CNTN5: variants seen among roughly 807,000 people sequenced by gnomAD.
CNTN5 encodes contactin 5, also known as contactin-5.
CNTN5 carries 77 observed loss-of-function variants against 129.1 expected under a neutral mutation model. That is an observed-to-expected ratio of 0.60 (90% CI 0.50 to 0.72). CNTN5 has a LOEUF of 0.72. Among genes scored for constraint, CNTN5 ranks in the 30% least tolerant of loss-of-function variants. CNTN5 has a pLI of 0.00. For missense variants in CNTN5, 1,478 were observed against 1,328.8 expected, an observed-to-expected ratio of 1.11 and a Z score of -1.75; for synonymous variants, 509 against 465.6, an observed-to-expected ratio of 1.09 and a Z score of -1.20.
chr11:99,065,348 A>G (rs1174705252), intron 1 of CNTN5, among the ~76,000 whole-genome samples: 1 of 152,146 alleles, frequency 6.6e-6, no homozygotes, highest in African/African-American at 2.4e-5. Flanking sequence ...GTAGTAAATC[A>G]TAGTCAGTTG....
chr11:99,707,270 A>C (rs1200206661), intron 3 of CNTN5, among the ~76,000 whole-genome samples: 2 of 151,548 alleles, frequency 1.3e-5, no homozygotes, highest in Non-Finnish European at 3.0e-5. Context: ...CCTCTGTGAC[A>C]TGTCATAAAG....
intron 17 of CNTN5, among the ~76,000 whole-genome samples, chr11:100,256,937 T>G (rs1950084105): frequency 6.6e-6 from 1 of 152,080 alleles, no homozygotes; most frequent in African/African-American, 2.4e-5. Flanking sequence ...GTGCCTGGAA[T>G]GCCAGTGAGA....
chr11:100,164,890 C>T (rs1373022859), intron 13 of CNTN5, among the ~76,000 whole-genome samples: 2 of 151,756 alleles, frequency 1.3e-5, no homozygotes. Context: ...AATCCCTGAC[C>T]TATGACACTT....
chr11:100,349,588 G>T (rs1952359416), intron 23 of CNTN5, among the ~76,000 whole-genome samples: 1 of 151,780 alleles, frequency 6.6e-6, no homozygotes. Flanking sequence ...AGCCAGGAAG[G>T]TATAGGAGAT....
At chr11:99,924,500 C>A (rs1455069191) in intron 7 of CNTN5, among the ~76,000 whole-genome samples, 1 of 150,874 alleles carries the variant, frequency 6.6e-6, no homozygotes, top group Non-Finnish European at 1.5e-5. Context: ...ATAGGGTATC[C>A]TTTCCCTATT....
chr11:100,332,756 A>G (rs1021100663), intron 21 of CNTN5, among the ~76,000 whole-genome samples: 4 of 152,150 alleles, frequency 2.6e-5, no homozygotes, highest in African/African-American at 9.6e-5. Flanking sequence ...TCTCTTTATG[A>G]TTAAAATCCT....
intron 1 of CNTN5, among the ~76,000 whole-genome samples, chr11:99,238,562 C>G (rs1861390458): frequency 6.6e-6 from 1 of 152,112 alleles, no homozygotes; most frequent in Non-Finnish European, 1.5e-5. Flanking sequence ...ATAATAACAT[C>G]ATACAGTTTG....
intron 3 of CNTN5, among the ~76,000 whole-genome samples, chr11:99,694,205 G>A (rs1223940992): frequency 1.3e-5 from 2 of 152,064 alleles, no homozygotes; most frequent in East Asian, 1.9e-4. Flanking sequence ...AAGACTTAGA[G>A]TTCGTGCTAT....
At chr11:99,275,828 T>C (rs951585065) in intron 1 of CNTN5, among the ~76,000 whole-genome samples, 8 of 151,726 alleles carry the variant, frequency 5.3e-5, no homozygotes, top group African/African-American at 1.9e-4. Flanking sequence ...CAGACTGGCA[T>C]GATATCATGC....
intron 1 of CNTN5, among the ~76,000 whole-genome samples, chr11:99,275,757 C>T (rs999262683): frequency 6.6e-6 from 1 of 151,580 alleles, no homozygotes; most frequent in Non-Finnish European, 1.5e-5. Flanking sequence ...GGATTTATGG[C>T]AAATGAGCAA....
At chr11:99,754,825 G>A (rs1195168710) in intron 3 of CNTN5, among the ~76,000 whole-genome samples, 1 of 152,042 alleles carries the variant, frequency 6.6e-6, no homozygotes, top group African/African-American at 2.4e-5. Context: ...ACATTCTATG[G>A]GTTTTGACAA....
chr11:99,776,474 A>G (rs1945128526), intron 3 of CNTN5, among the ~76,000 whole-genome samples: 1 of 151,810 alleles, frequency 6.6e-6, no homozygotes, highest in Non-Finnish European at 1.5e-5. Flanking sequence ...TTTTGGGAAA[A>G]GAAAGTGGCT....
Position 99,696,169 on chromosome 11 carries a change from A to G in CNTN5, c.56-123375A>G, listed in dbSNP as rs1241289380. Among the ~76,000 whole-genome samples the G allele has an allele frequency of 2.0e-5, 3 of 152,202 alleles. No homozygotes were observed. The East Asian group carries it at 5.8e-4, about 29-fold the overall frequency. On this transcript the variant is annotated intron_variant, in intron 3 of 24. Coordinates refer to ENST00000524871, the MANE Select transcript of CNTN5 (RefSeq NM_014361.4). ...TTTTCTTTATACCTGTATATCAGCC[A>G]TAAGCCTGGAGCATTGTGTGAGGTT... is the stretch of plus-strand genomic sequence containing the variant.
At chr11:99,448,909 T>C (rs1033486314) in intron 2 of CNTN5, among the ~76,000 whole-genome samples, 46 of 151,630 alleles carry the variant, frequency 3.0e-4, no homozygotes, top group African/African-American at 1.1e-3. Context: ...GCCTCCCGAG[T>C]AGCTGGGACT....
intron 9 of CNTN5, among the ~76,000 whole-genome samples, chr11:100,020,490 T>C (rs1264947347): frequency 6.6e-6 from 1 of 152,120 alleles, no homozygotes; most frequent in Non-Finnish European, 1.5e-5. Flanking sequence ...TATGCCTATA[T>C]GTCTGTTTCT....
At chr11:99,496,807 A>T (rs1414082102) in intron 2 of CNTN5, among the ~76,000 whole-genome samples, 2 of 152,234 alleles carry the variant, frequency 1.3e-5, no homozygotes, top group African/African-American at 4.8e-5. Context: ...CTCTCCATTC[A>T]TAAATAACTA....
At chr11:99,843,101 G>A (rs1947568011) in intron 4 of CNTN5, among the ~76,000 whole-genome samples, 1 of 152,162 alleles carries the variant, frequency 6.6e-6, no homozygotes, top group Non-Finnish European at 1.5e-5. Context: ...CATGGTGGCT[G>A]TAATTGCAGC....
chr11:99,887,898 C>T (rs1000442501), intron 6 of CNTN5, among the ~76,000 whole-genome samples: 26 of 152,192 alleles, frequency 1.7e-4, no homozygotes, highest in African/African-American at 5.8e-4. Flanking sequence ...CTGCCTCTCC[C>T]AGTCCACTCA....
chr11:99,299,145 G>A (rs993242174), intron 1 of CNTN5, among the ~76,000 whole-genome samples: 9 of 151,974 alleles, frequency 5.9e-5, no homozygotes, highest in African/African-American at 2.2e-4. Context: ...AAAAATAAAG[G>A]AAAATATACC....
Sources: allele counts gnomAD v4.1 joint callset (sites outside exome capture counted in the v4.1 genomes callset), GRCh38; gene constraint gnomAD v4.1.1; transcripts MANE v1.5; gene names NCBI Gene and HGNC (gene_info 2026-07-23, HGNC 2026-07-21).